Variants in HDGF observed in about 807,000 individuals in gnomAD.
HDGF encodes the protein hepatoma-derived growth factor.
Under a neutral mutation model 30.0 loss-of-function variants are expected in HDGF, and 5 were observed. That is an observed-to-expected ratio of 0.17 (90% CI 0.09 to 0.35). HDGF has a LOEUF of 0.35. HDGF is among the 10% of genes least tolerant of loss of function. The pLI, the probability that HDGF is intolerant of heterozygous loss-of-function variation, is 1.00. For missense variants in HDGF, 214 were observed against 302.8 expected, an observed-to-expected ratio of 0.71 and a Z score of 2.18; for synonymous variants, 133 against 112.7, an observed-to-expected ratio of 1.18 and a Z score of -1.14.
At chr1:156,744,872 C>T in intron 3 of HDGF, 136 bp downstream of exon 3, 1 of 1,050,466 alleles carries the variant, frequency 9.5e-7, no homozygotes, top group Non-Finnish European at 1.4e-6. Flanking sequence ...AAGCCCCCTT[C>T]CCACCACCCT....
intron 2 of HDGF, 34 bp from the exon 3 acceptor site, chr1:156,745,180 C>T (rs965619018): frequency 3.7e-6 from 6 of 1,613,596 alleles, no homozygotes; most frequent in Non-Finnish European, 5.1e-6. Context: ...CTCTCAAGCC[C>T]CTCACTGCCC....
chr1:156,751,470 A>G lies in HDGF; in HGVS notation c.-41T>C. ...GCCCCGGGCTCCGCGCCGGGCCGGG[A>G]AGCGCGAGCCCAAGTTTGCGCGTGC... is the stretch of plus-strand genomic sequence containing the variant. On this transcript the variant is annotated 5_prime_UTR_variant, in exon 1 of 6. Coordinates refer to ENST00000357325, the MANE Select transcript of HDGF (RefSeq NM_004494.3). The surrounding 1 kb of genome is among the most constrained non-coding windows in gnomAD (Gnocchi z 4.7). The G allele has an allele frequency of 4.8e-6, 7 of 1,460,888 alleles. No individual in the cohort carries two copies. The highest frequency in any genetic ancestry group is 6.4e-6 in the Non-Finnish European group (7 of 1,095,604). The allele number at this position is 1,460,888 out of a possible 1,614,324, so 90.5% of individuals were successfully genotyped here.
intron 2 of HDGF, among the ~76,000 whole-genome samples, chr1:156,758,783 A>T (rs538007509): frequency 5.1e-4 from 77 of 152,258 alleles, no homozygotes; most frequent in African/African-American, 1.8e-3. Flanking sequence ...CATCTCAACA[A>T]CAACAACAAA....
chr1:156,751,968 C>G (rs934178706), upstream of HDGF: 16 of 1,436,110 alleles, frequency 1.1e-5, no homozygotes, highest in African/African-American at 1.9e-4. The surrounding 1 kb of genome is among the most constrained non-coding windows in gnomAD (Gnocchi z 4.7). Flanking sequence ...TGCCCGCCCG[C>G]CCGGGAGGAG....
At chr1:156,746,998 A>G (rs1183880960) in intron 1 of HDGF, among the ~76,000 whole-genome samples, 2 of 151,768 alleles carry the variant, frequency 1.3e-5, no homozygotes, top group Admixed American at 1.3e-4. Context: ...CAGACTTGGA[A>G]TCTTCAGGCT....
chr1:156,751,909 C>G (rs1420153830), upstream of HDGF: 2 of 1,027,768 alleles, frequency 1.9e-6, no homozygotes, highest in Admixed American at 3.1e-5. This position sits in a 1 kb window ranked among gnomAD's most constrained non-coding sequence, Gnocchi z 4.7. Flanking sequence ...GCATAAGGAG[C>G]CGATCGCCGA....
intron 1 of HDGF, among the ~76,000 whole-genome samples, chr1:156,766,364 C>T (rs527612967): frequency 6.6e-6 from 1 of 152,182 alleles, no homozygotes; most frequent in Non-Finnish European, 1.5e-5. Flanking sequence ...AATCTGGGAA[C>T]AGGGAGGTGG....
upstream of HDGF, among the ~76,000 whole-genome samples, chr1:156,754,222 C>T (rs1398294894): frequency 2.0e-5 from 3 of 152,164 alleles, no homozygotes; most frequent in Non-Finnish European, 2.9e-5. Context: ...CCAACAAACA[C>T]GCTTTTAAAC....
intron 1 of HDGF, among the ~76,000 whole-genome samples, chr1:156,762,373 G>A (rs536665238): frequency 6.6e-6 from 1 of 151,906 alleles, no homozygotes; most frequent in African/African-American, 2.4e-5. Flanking sequence ...TCAAGAGGCT[G>A]GTAGCCTCTT....
At chr1:156,744,767 C>T (rs1380891453) in intron 3 of HDGF, among the ~76,000 whole-genome samples, 5 of 152,044 alleles carry the variant, frequency 3.3e-5, no homozygotes, top group East Asian at 1.9e-4. Flanking sequence ...CCCCACTTAC[C>T]GCCTCCATCC....
intron 1 of HDGF, among the ~76,000 whole-genome samples, chr1:156,745,590 G>A (rs566187076): frequency 5.9e-5 from 9 of 152,256 alleles, no homozygotes; most frequent in Admixed American, 2.6e-4. Flanking sequence ...TTCCCTCTCC[G>A]TCACCAGCCA....
chr1:156,752,021 C>T (rs774743922), upstream of HDGF: 9 of 1,550,084 alleles, frequency 5.8e-6, no homozygotes, highest in East Asian at 4.9e-5. Context: ...CTTCCCCCGA[C>T]TCCGCGGAGC....
At chr1:156,749,508 A>C (rs1180472770) in intron 1 of HDGF, among the ~76,000 whole-genome samples, 4 of 152,154 alleles carry the variant, frequency 2.6e-5, no homozygotes, top group Non-Finnish European at 5.9e-5. Flanking sequence ...CACCTCTTTG[A>C]GATCCAGGCT....
chr1:156,751,859 C>G (rs1442908525), upstream of HDGF: 1 of 963,024 alleles, frequency 1.0e-6, no homozygotes, highest in Middle Eastern at 3.6e-4. The surrounding 1 kb of genome is among the most constrained non-coding windows in gnomAD (Gnocchi z 4.7). Flanking sequence ...CACGGCCCAA[C>G]GCCCAACCCG....
chr1:156,751,723 C>T (rs1176061169), upstream of HDGF: 1 of 1,186,696 alleles, frequency 8.4e-7, no homozygotes, highest in Non-Finnish European at 1.0e-6. This position sits in a 1 kb window ranked among gnomAD's most constrained non-coding sequence, Gnocchi z 4.7. Flanking sequence ...CTCCACCCCC[C>T]GCCCGGTCCC....
chr1:156,743,696 A>G lies in HDGF; in HGVS notation c.672T>C (p.Ala224=), dbSNP rs148464920. ...EEEEEDEEEE[A]TKEDAEAPGI... ...CTGGGGCCTCAGCATCTTCCTTGGTAGCCTCTTCCTCTTCATCCTCCTCCT... is the reference window on the plus strand; with the variant it reads ...CTGGGGCCTCAGCATCTTCCTTGGTGGCCTCTTCCTCTTCATCCTCCTCCT... The change falls in exon 5 of 6, where the codon GCT becomes GCC. Residue 224 remains alanine, a synonymous_variant. Transcript: ENST00000357325. The G allele has an allele frequency of 8.4e-5, 136 of 1,610,662 alleles. No homozygotes were observed. In the African/African-American group the frequency reaches 1.7e-3, roughly 20 times the overall value.
intron 1 of HDGF, among the ~76,000 whole-genome samples, chr1:156,765,472 C>CTTTCTT (rs1159054263): frequency 8.1e-5 from 7 of 85,984 alleles, no homozygotes; most frequent in African/African-American, 3.3e-4. Context: ...TTCTTTCTTT[C>CTTTCTT]TTTTTTTTTT....
intron 1 of HDGF, among the ~76,000 whole-genome samples, chr1:156,759,857 G>T (rs1327436859): frequency 6.6e-6 from 1 of 152,182 alleles, no homozygotes; most frequent in Non-Finnish European, 1.5e-5. Context: ...CCCAGGACTA[G>T]AACTATTACA....
At chr1:156,763,505 T>C (rs1244711189) in intron 1 of HDGF, among the ~76,000 whole-genome samples, 3 of 151,928 alleles carry the variant, frequency 2.0e-5, no homozygotes, top group Admixed American at 2.0e-4. Context: ...TGAGCCACCA[T>C]GTCCGGCCCT....
Sources: allele counts gnomAD v4.1 joint callset (sites outside exome capture counted in the v4.1 genomes callset), GRCh38; gene constraint gnomAD v4.1.1; non-coding constraint Gnocchi (gnomAD v3.1); transcripts MANE v1.5; gene names NCBI Gene and HGNC (gene_info 2026-07-23, HGNC 2026-07-21).